GSK3A: variants seen among roughly 807,000 people sequenced by gnomAD.
The protein encoded by GSK3A is glycogen synthase kinase 3 alpha.
In GSK3A, 14 loss-of-function variants were observed where a neutral mutation model predicts 56.6. The observed-to-expected ratio is 0.25, with a 90% CI of 0.16 to 0.39. The LOEUF is 0.39. GSK3A is among the 10% of genes least tolerant of loss of function. GSK3A has a pLI of 1.00. For missense variants in GSK3A, 450 were observed against 656.0 expected, an observed-to-expected ratio of 0.69 and a Z score of 3.43; for synonymous variants, 301 against 285.0, an observed-to-expected ratio of 1.06 and a Z score of -0.56.
chr19:42,230,883 G>C lies in GSK3A; in HGVS notation c.1379-16C>G, dbSNP rs1349178467. ...TCAGTTAAAGCTGGAGGGAGGCAGG[G>C]AAGGAGCAGAGTTAGCCTTTGCCTT... On this transcript the variant is annotated splice_polypyrimidine_tract_variant and intron_variant, in intron 10 of 10. Transcript: ENST00000222330. The C allele has an allele frequency of 1.9e-6, 3 of 1,545,346 alleles. No homozygotes were observed. Among genetic ancestry groups the C allele is most frequent in the Middle Eastern group, 1.7e-4 (1 of 5,978 alleles).
At chr19:42,240,163 A>C (rs1378458639) in intron 1 of GSK3A, 21 bp from the exon 2 acceptor site, 1 of 1,609,960 alleles carries the variant, frequency 6.2e-7, no homozygotes, top group Non-Finnish European at 8.5e-7. Flanking sequence ...AAGGGGATAC[A>C]CGATCCACTG....
At chr19:42,235,682 C>T (rs901095927) in intron 4 of GSK3A, among the ~76,000 whole-genome samples, 2 of 152,186 alleles carry the variant, frequency 1.3e-5, no homozygotes, top group Non-Finnish European at 2.9e-5. Flanking sequence ...TCCAGAATTC[C>T]CTGTGCTCCT....
At position 42,234,568 on chromosome 19, in the gene GSK3A, G is replaced by C; in HGVS notation, c.777C>G (p.Leu259=). ...CCCACCTGCCAAAATCGCAGAGCTT[G>C]AGGACAGCAGTGTCAGGGTCCACCA... ...NLLVDPDTAV[L]KLCDFGSAKQ... is the part of the protein sequence containing the mutation. Residue 259 remains leucine, a synonymous_variant, in exon 5 of 11, where the codon CTC becomes CTG. Coordinates refer to ENST00000222330, the MANE Select transcript of GSK3A (RefSeq NM_019884.3). This position sits in a 1 kb window ranked among gnomAD's most constrained non-coding sequence, Gnocchi z 5.7. 2 of 1,614,024 alleles carry C rather than the reference G, an allele frequency of 1.2e-6. No homozygotes were observed. The highest frequency in any genetic ancestry group is 1.7e-5 in the Admixed American group (1 of 60,020).
At position 42,236,662 on chromosome 19, in the gene GSK3A, G is replaced by A. The variant is rs961346905; in HGVS notation, c.610C>T (p.Arg204Trp). 5.0e-6 allele frequency: 8 copies of A among 1,613,992 alleles called. No homozygotes were observed. The highest frequency in any genetic ancestry group is 1.7e-5 in the Admixed American group (1 of 60,014). ...VLEYVPETVY[R>W]VARHFTKAKL... ...GCCTTGGTGAAGTGGCGGGCCACCC[G>A]GTACACTGTCTCGGGCACATATTCC... is the stretch of plus-strand genomic sequence containing the variant. Residue 204 changes from arginine (R) to tryptophan (W), a missense_variant, in exon 4 of 11, where the codon CGG (arginine) becomes TGG (tryptophan). Physicochemically the swap from Arg to Trp is moderately radical, Grantham distance 101. Coordinates refer to ENST00000222330, the MANE Select transcript of GSK3A (RefSeq NM_019884.3).
Position 42,242,341 on chromosome 19 carries a change from C to T in GSK3A, c.125G>A (p.Gly42Asp). Residue 42 changes from glycine to aspartate, a missense_variant, in exon 1 of 11, where the codon GGC (glycine) becomes GAC (aspartate). Gly to Asp is a moderately conservative substitution (Grantham distance 94). This residue lies in a region of GSK3A where 193 missense variants were observed against 200.5 expected (regional missense o/e 0.96). Transcript: ENST00000222330. Reference protein sequence around the residue: ...GGGGPGGSASGPGGTGGGKAS... With the variant: ...GGGGPGGSASDPGGTGGGKAS... ...CTTTCCGCCGCCGGTGCCGCCTGGG[C>T]CGGAGGCCGAGCCTCCGGGGCCGCC... The T allele has an allele frequency of 1.4e-6, 2 of 1,423,730 alleles. No individual in the cohort carries two copies. Among genetic ancestry groups the T allele is most frequent in the South Asian group, 1.4e-5 (1 of 69,942 alleles). The allele number at this position is 1,423,730 out of a possible 1,614,324, so 88.2% of individuals were successfully genotyped here. A position where few individuals can be genotyped will look rare whatever the true frequency, so the allele number is the denominator to read the frequency against.
Position 42,242,228 on chromosome 19 carries a change from G to GGCCTCCGCT in GSK3A, c.229_237dup (p.Ser77_Gly79dup), listed in dbSNP as rs1051297146. The stretch of plus-strand genomic sequence containing the variant: ...GGCGGGAAGCTAGTGCCTGCGCCGG[G>GGCCTCCGCT]GCCTCCGCTGCCTCCTCCGCCGCTG... On this transcript the variant is annotated inframe_insertion, in exon 1 of 11. Transcript: ENST00000222330. 3.0e-5 allele frequency: 43 copies of GGCCTCCGCT among 1,442,238 alleles called. No individual in the cohort carries two copies. The Admixed American group carries it at 8.8e-4, about 30-fold the overall frequency. 89.3% of individuals were successfully genotyped at this position (1,442,238 alleles called of 1,614,324 possible). A position where few individuals can be genotyped will look rare whatever the true frequency, so the allele number is the denominator to read the frequency against.
At chr19:42,236,464 G>GATAA in intron 4 of GSK3A, 142 bp downstream of exon 4, 1 of 663,964 alleles carries the variant, frequency 1.5e-6, no homozygotes, top group South Asian at 1.6e-5. Flanking sequence ...CATCTCGGGG[G>GATAA]GTTATGGGAA....
chr19:42,237,227 C>T (rs1383356487), intron 2 of GSK3A, among the ~76,000 whole-genome samples: 1 of 150,560 alleles, frequency 6.6e-6, no homozygotes, highest in Non-Finnish European at 1.5e-5. Flanking sequence ...GGCTCAATAT[C>T]GGCTCACTGC....
chr19:42,234,799 G>A lies in GSK3A; in HGVS notation c.667-121C>T. ...CTCTCCCTGCTGCCCCCACAGCTTT[G>A]GGGAAACCCATTTGAAACCTTGGTT... On this transcript the variant is annotated intron_variant, in intron 4 of 10. Coordinates refer to ENST00000222330, the MANE Select transcript of GSK3A (RefSeq NM_019884.3). This position sits in a 1 kb window ranked among gnomAD's most constrained non-coding sequence, Gnocchi z 5.7. 1 of 1,057,312 alleles carries A rather than the reference G, an allele frequency of 9.5e-7. No homozygotes were observed. Among genetic ancestry groups the A allele is most frequent in the South Asian group, 1.8e-5 (1 of 55,454 alleles). 65.5% of individuals were successfully genotyped at this position (1,057,312 alleles called of 1,614,324 possible).
intron 1 of GSK3A, chr19:42,240,580 G>C (rs534094266): frequency 2.9e-4 from 76 of 258,182 alleles, no homozygotes; most frequent in Non-Finnish European, 5.1e-4. Context: ...TCCTACTTTA[G>C]GAAAGCACTA....
rs2036242203 is a variant in GSK3A, at chr19:42,234,168, G to A, written c.904+185C>T. ...GTCCTAGTGGTGCCAGTGCGGGCAG[G>A]CGGCCTCACAGCTCTAAGCTCATCT... On this transcript the variant is annotated intron_variant, in intron 6 of 10. Coordinates refer to ENST00000222330, the MANE Select transcript of GSK3A (RefSeq NM_019884.3). The surrounding 1 kb of genome is among the most constrained non-coding windows in gnomAD (Gnocchi z 5.7). 6.6e-6 allele frequency among the ~76,000 whole-genome samples: 1 copy of A among 152,172 alleles called. No homozygotes were observed. The highest frequency in any genetic ancestry group is 2.4e-5 in the African/African-American group (1 of 41,430).
At chr19:42,230,910 C>T (rs1340550872) in intron 10 of GSK3A, 43 bp from the exon 11 acceptor site, 1 of 1,335,446 alleles carries the variant, frequency 7.5e-7, no homozygotes, top group Middle Eastern at 1.8e-4. Flanking sequence ...CTTTGCCTTT[C>T]AGACACCCCT....
At chr19:42,241,161 A>C (rs1314276269) in intron 1 of GSK3A, 4 of 151,920 alleles carry the variant, frequency 2.6e-5, no homozygotes, top group Non-Finnish European at 5.9e-5. Flanking sequence ...ACGCCCAGCT[A>C]ATTTTTTATA....
At chr19:42,233,530 G>A (rs936153085) in intron 6 of GSK3A, 147 bp from the exon 7 acceptor site, 1 of 627,844 alleles carries the variant, frequency 1.6e-6, no homozygotes, top group East Asian at 2.8e-5. Context: ...ATGCAGCTTA[G>A]AAACATGGGC....
In GSK3A at chr19:42,232,111, G is replaced by A. The variant is rs1294546069; in HGVS notation, c.1324C>T (p.Pro442Ser). The A allele has an allele frequency of 6.2e-7, 1 of 1,609,170 alleles. No individual in the cohort carries two copies. The highest frequency in any genetic ancestry group is 8.5e-7 in the Non-Finnish European group (1 of 1,176,324). Residue 442 changes from proline (P) to serine (S), a missense_variant, in exon 10 of 11, where the codon CCT (proline) becomes TCT (serine). Physicochemically the swap from Pro to Ser is moderately conservative, Grantham distance 74. Transcript: ENST00000222330. ...CCCGCTGGGGACCTCAAGTGAGGAG[G>A]GATGAGAATGGCGTTGAGAGACGGT... is the stretch of plus-strand genomic sequence containing the variant. ...IQPSLNAILI[P>S]PHLRSPAGTT...
chr19:42,235,942 G>A (rs2036254408), intron 4 of GSK3A, among the ~76,000 whole-genome samples: 1 of 152,188 alleles, frequency 6.6e-6, no homozygotes, highest in Admixed American at 6.5e-5. Context: ...CCCGTGCTTG[G>A]TACGTAAAGC....
intron 6 of GSK3A, among the ~76,000 whole-genome samples, chr19:42,233,792 G>A (rs1045692289): frequency 2.0e-5 from 3 of 152,136 alleles, no homozygotes; most frequent in African/African-American, 7.2e-5. Flanking sequence ...CAGCGTGGCA[G>A]TCTCACCCCT....
rs762254917 is a variant in GSK3A at position 42,236,933 on chromosome 19, C to T, written c.480G>A (p.Glu160=). Reference sequence around the variant, plus strand: ...GGTCCAGCTTACGCATGATCTGCAGCTCTCGGTTCTTGAGGGCAAAGGGAG... The same window carrying T: ...GGTCCAGCTTACGCATGATCTGCAGTTCTCGGTTCTTGAGGGCAAAGGGAG... ...VLQDKRFKNR[E]LQIMRKLDHC... Residue 160 remains glutamate, a synonymous_variant, in exon 3 of 11, where the codon GAG becomes GAA. Coordinates refer to ENST00000222330, the MANE Select transcript of GSK3A (RefSeq NM_019884.3). 4 of 1,610,546 alleles carry T rather than the reference C, an allele frequency of 2.5e-6. No individual in the cohort carries two copies. In the South Asian group the frequency reaches 4.4e-5, roughly 18 times the overall value.
At chr19:42,232,213 T>C in intron 9 of GSK3A, 64 bp from the exon 10 acceptor site, 1 of 1,013,496 alleles carries the variant, frequency 9.9e-7, no homozygotes, top group East Asian at 2.4e-5. Flanking sequence ...GGGCACCAAA[T>C]GGGAACCCAG....
Sources: allele counts gnomAD v4.1 joint callset (sites outside exome capture counted in the v4.1 genomes callset), GRCh38; gene constraint gnomAD v4.1.1; regional missense constraint gnomAD v4.1.1; non-coding constraint Gnocchi (gnomAD v3.1); transcripts MANE v1.5; gene names NCBI Gene and HGNC (gene_info 2026-07-23, HGNC 2026-07-21).